The following AKAP6 variants were observed in gnomAD, a reference collection of about 807,000 sequenced individuals.
AKAP6 encodes A-kinase anchoring protein 6, also known as A-kinase anchor protein 6.
In AKAP6, 58 loss-of-function variants were observed where a neutral mutation model predicts 188.5. The ratio of observed to expected loss-of-function variants is 0.31; its 90% confidence interval spans 0.25 to 0.38. The LOEUF (loss-of-function observed/expected upper bound fraction) is 0.38. Ranked by LOEUF, AKAP6 falls within the 10% of genes least tolerant of loss-of-function variation. The pLI is 1.00. For synonymous variants in AKAP6, 989 were observed against 998.6 expected (o/e 0.99, Z 0.18); for missense variants, 2,710 against 2,740.0 (o/e 0.99, Z 0.24).
chr14:32,742,278 C>T (rs956061171), intron 11 of AKAP6, among the ~76,000 whole-genome samples: 3 of 151,562 alleles, frequency 2.0e-5, no homozygotes, highest in Non-Finnish European at 4.4e-5. Flanking sequence ...CTTAGTCTGC[C>T]TGAAGGTTTT....
intron 1 of AKAP6, among the ~76,000 whole-genome samples, chr14:32,423,444 G>A (rs1566494667): frequency 6.6e-6 from 1 of 152,122 alleles, no homozygotes; most frequent in Non-Finnish European, 1.5e-5. Flanking sequence ...CTCCTGAAGT[G>A]CTGGGATTAC....
At chr14:32,730,567 G>A (rs1315952324) in intron 9 of AKAP6, among the ~76,000 whole-genome samples, 1 of 152,016 alleles carries the variant, frequency 6.6e-6, no homozygotes, top group Non-Finnish European at 1.5e-5. Context: ...GAAGAGGGGG[G>A]GATGAGCTTG....
intron 1 of AKAP6, among the ~76,000 whole-genome samples, chr14:32,330,612 A>G (rs1233623048): frequency 6.6e-6 from 1 of 151,892 alleles, no homozygotes; most frequent in Non-Finnish European, 1.5e-5. Flanking sequence ...ACACGAAAGA[A>G]TGGCAACCAT....
In AKAP6 at chr14:32,600,743, T is replaced by C. The variant is rs776545252; in HGVS notation, c.2681T>C (p.Leu894Pro). The change falls in exon 7 of 14, where the codon CTG becomes CCG. Residue 894 changes from leucine to proline, a missense_variant. Physicochemically the swap from Leu to Pro is moderately conservative, Grantham distance 98. Coordinates refer to ENST00000280979, the MANE Select transcript of AKAP6 (RefSeq NM_004274.5). ...CTGGATACCATCAAAGCCGAGATAC[T>C]GGCTACTGATGTGTCTGTGGAGGAT... ...RALDTIKAEI[L>P]ATDVSVEDEE... The C allele has an allele frequency of 1.2e-6, 2 of 1,613,330 alleles. No individual in the cohort carries two copies. The highest frequency in any genetic ancestry group is 2.2e-5 in the East Asian group (1 of 44,864).
intron 12 of AKAP6, among the ~76,000 whole-genome samples, chr14:32,794,560 A>AAC (rs1047929066): frequency 6.6e-6 from 1 of 151,698 alleles, no homozygotes; most frequent in Non-Finnish European, 1.5e-5. Flanking sequence ...ACTGCATCTC[A>AAC]AACAAACAAA....
At chr14:32,632,313 T>A (rs987772431) in intron 7 of AKAP6, among the ~76,000 whole-genome samples, 1 of 152,068 alleles carries the variant, frequency 6.6e-6, no homozygotes, top group African/African-American at 2.4e-5. Context: ...GATCAGTCAA[T>A]TCATTTAGCC....
intron 12 of AKAP6, among the ~76,000 whole-genome samples, chr14:32,818,741 C>G (rs2179900): frequency 0.33 from 49,698 of 151,848 alleles, 9,519 homozygotes; most frequent in African/African-American, 0.54. Context: ...ATGAGTCTGA[C>G]TTGCAGGTGC....
intron 2 of AKAP6, among the ~76,000 whole-genome samples, chr14:32,503,554 C>T (rs1880709634): frequency 6.6e-6 from 1 of 151,328 alleles, no homozygotes; most frequent in African/African-American, 2.4e-5. Flanking sequence ...CATTTTGATC[C>T]CCTTTTGAAT....
chr14:32,537,361 A>G (rs1882729684), intron 3 of AKAP6, among the ~76,000 whole-genome samples: 1 of 152,136 alleles, frequency 6.6e-6, no homozygotes, highest in Non-Finnish European at 1.5e-5. Flanking sequence ...CCCAAGTTAG[A>G]TCCCTAGAGG....
At chr14:32,471,654 G>A (rs1566523805) in intron 2 of AKAP6, among the ~76,000 whole-genome samples, 1 of 152,128 alleles carries the variant, frequency 6.6e-6, no homozygotes, top group Non-Finnish European at 1.5e-5. Flanking sequence ...GTGGAATCCT[G>A]TACCCCCCAC....
At chr14:32,667,060 T>G (rs902087978) in intron 7 of AKAP6, among the ~76,000 whole-genome samples, 2 of 152,128 alleles carry the variant, frequency 1.3e-5, no homozygotes, top group African/African-American at 4.8e-5. Flanking sequence ...TTTCAGAAAA[T>G]GCATGGAGAA....
chr14:32,652,399 T>G (rs2139536318), intron 7 of AKAP6, among the ~76,000 whole-genome samples: 1 of 152,218 alleles, frequency 6.6e-6, no homozygotes, highest in African/African-American at 2.4e-5. Flanking sequence ...CTTTATCTAT[T>G]TATGTCTAGA....
In AKAP6 at chr14:32,768,212, C is replaced by T. The variant is rs191861732; in HGVS notation, c.3373-5466C>T. Among the ~76,000 whole-genome samples the T allele has an allele frequency of 4.0e-4, 61 of 152,266 alleles. 1 individual carries two copies. The East Asian group carries it at 9.6e-3, about 24-fold the overall frequency. On this transcript the variant is annotated intron_variant, in intron 11 of 13. Transcript: ENST00000280979. ...AGGTACCAGAATAGCCTCTTATTTT[C>T]CCCACTTGCTCTATTTCTTATTAGA...
intron 1 of AKAP6, chr14:32,403,364 A>T (rs1270356113): frequency 6.6e-6 from 1 of 152,218 alleles, no homozygotes; most frequent in African/African-American, 2.4e-5. Context: ...TTCTCTTGGG[A>T]TACCTCTGTT....
intron 11 of AKAP6, among the ~76,000 whole-genome samples, chr14:32,755,505 T>G (rs1438548860): frequency 7.0e-6 from 1 of 143,766 alleles, no homozygotes; most frequent in Non-Finnish European, 1.5e-5. Context: ...CCACTGAGAT[T>G]AAGGCAATTA....
chr14:32,617,124 C>CT (rs1393547883), intron 7 of AKAP6: 1 of 152,348 alleles, frequency 6.6e-6, no homozygotes, highest in Non-Finnish European at 1.5e-5. Context: ...CCTTCAGTGG[C>CT]TTTCCATTGC....
chr14:32,705,581 C>T (rs1890779947), intron 9 of AKAP6, among the ~76,000 whole-genome samples: 1 of 152,086 alleles, frequency 6.6e-6, no homozygotes, highest in African/African-American at 2.4e-5. Flanking sequence ...TTATTTAATG[C>T]TCACAGGGAT....
Position 32,433,618 on chromosome 14 carries a change from C to A in AKAP6, c.125C>A (p.Ala42Glu). Reference protein sequence around the residue: ...PTVEQGEGEEAMKDMDSDQQY... With the variant: ...PTVEQGEGEEEMKDMDSDQQY... ...GTGGAGCAGGGTGAGGGAGAAGAGG[C>A]AATGAAGGACATGGACTCTGACCAG... The change falls in exon 2 of 14, where the codon GCA becomes GAA. Residue 42 changes from alanine to glutamate, a missense_variant. By Grantham distance (107) the Ala-to-Glu change is moderately radical (BLOSUM62 -1). This residue lies in a region of AKAP6 where 237 missense variants were observed against 313.9 expected (regional missense o/e 0.76). Coordinates refer to ENST00000280979, the MANE Select transcript of AKAP6 (RefSeq NM_004274.5). The A allele has an allele frequency of 6.2e-7, 1 of 1,614,104 alleles. No individual in the cohort carries two copies. The highest frequency in any genetic ancestry group is 1.1e-5 in the South Asian group (1 of 91,070).
chr14:32,388,383 A>G (rs1482579635), intron 1 of AKAP6, among the ~76,000 whole-genome samples: 1 of 150,810 alleles, frequency 6.6e-6, no homozygotes. Context: ...GATCTTGGTT[A>G]TTTCCTTTCT....
Sources: allele counts gnomAD v4.1 joint callset (sites outside exome capture counted in the v4.1 genomes callset), GRCh38; gene constraint gnomAD v4.1.1; regional missense constraint gnomAD v4.1.1; transcripts MANE v1.5; gene names NCBI Gene and HGNC (gene_info 2026-07-23, HGNC 2026-07-21).